Variants in NSMCE2 observed in about 807,000 individuals in gnomAD.
The protein encoded by NSMCE2 is NSE2 SUMO ligase component of SMC5/6 complex, also known as E3 SUMO-protein ligase NSE2.
Under a neutral mutation model 23.8 loss-of-function variants are expected in NSMCE2, and 24 were observed. That is an observed-to-expected ratio of 1.01 (90% confidence interval 0.73 to 1.42). The LOEUF (loss-of-function observed/expected upper bound fraction) is 1.42, where lower values mean the gene tolerates loss of function less well. Among genes scored for constraint, NSMCE2 ranks in the 40% most tolerant of loss-of-function variants. The pLI, the probability that NSMCE2 is intolerant of heterozygous loss-of-function variation, is 0.00. For missense variants in NSMCE2, 284 were observed against 296.5 expected (o/e 0.96, Z 0.31); for synonymous variants, 92 against 94.1 (o/e 0.98, Z 0.13).
intron 5 of NSMCE2, among the ~76,000 whole-genome samples, chr8:125,266,424 A>G (rs898481677): frequency 6.6e-6 from 1 of 152,228 alleles, no homozygotes; most frequent in African/African-American, 2.4e-5. Context: ...TCTTTAGTGA[A>G]GTTTCTTGAA....
chr8:125,298,532 C>G (rs1480988466), intron 5 of NSMCE2, among the ~76,000 whole-genome samples: 2 of 152,146 alleles, frequency 1.3e-5, no homozygotes, highest in African/African-American at 4.8e-5. Context: ...TGCTGCGCCT[C>G]ATTAGCAGGA....
Position 125,278,965 on chromosome 8 carries a change from G to A in NSMCE2, c.419-78254G>A, listed in dbSNP as rs1827584211. Among the ~76,000 whole-genome samples the A allele has an allele frequency of 2.6e-5, 4 of 152,020 alleles. No homozygotes were observed. In the South Asian group the frequency reaches 8.3e-4, roughly 32 times the overall value. ...CTGGAGGTTAGAGCCATAGTCAAAT[G>A]TGAAAATATAAAGCATATTAAATAT... On this transcript the variant is annotated intron_variant, in intron 5 of 7. Coordinates refer to ENST00000287437, the MANE Select transcript of NSMCE2 (RefSeq NM_173685.4).
chr8:125,164,784 T>C (rs1821793775), intron 4 of NSMCE2, among the ~76,000 whole-genome samples: 1 of 152,214 alleles, frequency 6.6e-6, no homozygotes, highest in Admixed American at 6.5e-5. Context: ...TTTAATGATA[T>C]GGTTTATGTT....
At chr8:125,362,191 A>G (rs1422097520) in intron 7 of NSMCE2, among the ~76,000 whole-genome samples, 1 of 152,176 alleles carries the variant, frequency 6.6e-6, no homozygotes, top group Non-Finnish European at 1.5e-5. Context: ...GCTCACCAAG[A>G]TGTCGTGGGA....
chr8:125,241,495 GT>G (rs1825763470), intron 5 of NSMCE2, among the ~76,000 whole-genome samples: 1 of 152,198 alleles, frequency 6.6e-6, no homozygotes, highest in African/African-American at 2.4e-5. Context: ...TGGGTCGTTT[GT>G]TTTCTGAAGA....
intron 5 of NSMCE2, among the ~76,000 whole-genome samples, chr8:125,243,501 T>TA (rs36036418): frequency 2.2e-4 from 32 of 148,598 alleles, no homozygotes; most frequent in Admixed American, 3.4e-4. Context: ...AATAATTTTT[T>TA]AAAAAAAAAA....
At chr8:125,354,282 G>A (rs576984516) in intron 5 of NSMCE2, among the ~76,000 whole-genome samples, 1 of 152,166 alleles carries the variant, frequency 6.6e-6, no homozygotes, top group Non-Finnish European at 1.5e-5. Context: ...TTTGGAAATA[G>A]GTTGGCTACC....
At chr8:125,147,735 C>CA (rs1313617207) in intron 3 of NSMCE2, among the ~76,000 whole-genome samples, 1 of 152,168 alleles carries the variant, frequency 6.6e-6, no homozygotes, top group Admixed American at 6.6e-5. Flanking sequence ...ACAACCACCC[C>CA]AACCCCCAGC....
intron 5 of NSMCE2, among the ~76,000 whole-genome samples, chr8:125,259,589 G>A (rs930387693): frequency 1.2e-4 from 19 of 152,122 alleles, no homozygotes; most frequent in Non-Finnish European, 2.9e-5. Flanking sequence ...CCAAAAGTTG[G>A]AGACAACTGC....
intron 5 of NSMCE2, among the ~76,000 whole-genome samples, chr8:125,283,795 T>A (rs1458822838): frequency 6.6e-6 from 1 of 152,184 alleles, no homozygotes; most frequent in Non-Finnish European, 1.5e-5. Flanking sequence ...AGGGCCCATT[T>A]TGCCTCTTTG....
intron 5 of NSMCE2, among the ~76,000 whole-genome samples, chr8:125,349,811 C>G (rs1008803559): frequency 6.6e-6 from 1 of 152,182 alleles, no homozygotes; most frequent in Non-Finnish European, 1.5e-5. Context: ...AATTACCACA[C>G]AGCCTACTGT....
intron 5 of NSMCE2, among the ~76,000 whole-genome samples, chr8:125,234,000 C>G (rs1340867362): frequency 6.9e-6 from 1 of 145,626 alleles, no homozygotes; most frequent in African/African-American, 2.6e-5. Context: ...CATGGTGAAA[C>G]CCTGTCTCTA....
chr8:125,358,783 C>T (rs1298515048), intron 7 of NSMCE2, among the ~76,000 whole-genome samples: 1 of 152,148 alleles, frequency 6.6e-6, no homozygotes, highest in Non-Finnish European at 1.5e-5. Flanking sequence ...TGGAATTCCC[C>T]AGCACTCCTC....
At chr8:125,101,400 A>G (rs920135525) in intron 1 of NSMCE2, among the ~76,000 whole-genome samples, 17 of 152,230 alleles carry the variant, frequency 1.1e-4, no homozygotes, top group Non-Finnish European at 1.9e-4. Flanking sequence ...ATACCATACC[A>G]TGGTTATTCC....
intron 5 of NSMCE2, among the ~76,000 whole-genome samples, chr8:125,210,162 A>G (rs888303322): frequency 2.6e-5 from 4 of 152,216 alleles, no homozygotes; most frequent in African/African-American, 7.2e-5. Context: ...TGTTAAAATG[A>G]CATAATAATA....
At chr8:125,276,547 T>C (rs146350187) in intron 5 of NSMCE2, among the ~76,000 whole-genome samples, 2 of 151,426 alleles carry the variant, frequency 1.3e-5, no homozygotes, top group Non-Finnish European at 3.0e-5. Context: ...CATTTGAGTA[T>C]AAACTTCATA....
chr8:125,140,886 G>A (rs996613036), intron 3 of NSMCE2, among the ~76,000 whole-genome samples: 26 of 152,112 alleles, frequency 1.7e-4, no homozygotes, highest in African/African-American at 6.0e-4. Context: ...TAAATTCACA[G>A]TTTCTTTTCA....
At chr8:125,262,828 A>G (rs968121907) in intron 5 of NSMCE2, among the ~76,000 whole-genome samples, 1 of 152,178 alleles carries the variant, frequency 6.6e-6, no homozygotes, top group Non-Finnish European at 1.5e-5. Context: ...ATCAAATGAA[A>G]TGGTGGTTTT....
intron 5 of NSMCE2, among the ~76,000 whole-genome samples, chr8:125,275,113 A>G (rs1827398044): frequency 6.6e-6 from 1 of 151,668 alleles, no homozygotes; most frequent in African/African-American, 2.4e-5. Context: ...TTTATCTGGT[A>G]TGATAGTCAT....
Sources: gnomAD v4.1 joint callset for allele counts (sites outside exome capture counted in the v4.1 genomes callset) on GRCh38, gnomAD v4.1.1 for gene constraint, MANE v1.5 for transcripts, NCBI Gene and HGNC (gene_info 2026-07-23, HGNC 2026-07-21) for gene names.